Variants in RAD51B observed in about 807,000 individuals in gnomAD.
RAD51B encodes RAD51 paralog B.
A neutral mutation model predicts 42.2 loss-of-function variants in RAD51B; 38 were observed. The ratio of observed to expected loss-of-function variants is 0.90; its 90% confidence interval spans 0.70 to 1.18. The LOEUF (loss-of-function observed/expected upper bound fraction) is 1.18. Ranked by LOEUF, RAD51B falls within the 50% of genes most tolerant of loss-of-function variation. The pLI is 0.00. For missense variants in RAD51B, 373 were observed against 400.7 expected (o/e 0.93, Z 0.59); for synonymous variants, 154 against 145.2 (o/e 1.06, Z -0.43).
At chr14:68,673,875 T>TGC (rs1465979822) in intron 11 of RAD51B, among the ~76,000 whole-genome samples, 29 of 75,698 alleles carry the variant, frequency 3.8e-4, no homozygotes, top group Admixed American at 5.6e-4. Flanking sequence ...ACACATACTG[T>TGC]GCACACACAT....
chr14:67,973,569 A>G (rs73282486), intron 7 of RAD51B, among the ~76,000 whole-genome samples: 3,939 of 152,220 alleles, frequency 0.026, 171 homozygotes, highest in African/African-American at 0.09. Context: ...AGAAAACCCA[A>G]ATCCAAACCA....
chr14:67,881,572 C>T (rs2042907468), intron 5 of RAD51B, among the ~76,000 whole-genome samples: 1 of 152,204 alleles, frequency 6.6e-6, no homozygotes, highest in Non-Finnish European at 1.5e-5. Flanking sequence ...CCCATCTCCT[C>T]AACTCAGGTT....
chr14:68,213,032 G>A (rs991912658), intron 7 of RAD51B, among the ~76,000 whole-genome samples: 1 of 152,164 alleles, frequency 6.6e-6, no homozygotes, highest in Non-Finnish European at 1.5e-5. Flanking sequence ...CTGGAGAGGG[G>A]TCCTCAGGGT....
intron 3 of RAD51B, among the ~76,000 whole-genome samples, chr14:67,832,274 C>T (rs1261913115): frequency 6.6e-6 from 1 of 152,070 alleles, no homozygotes; most frequent in Non-Finnish European, 1.5e-5. Flanking sequence ...TCATGCCCAG[C>T]CAATAATTTT....
At chr14:68,063,326 G>C (rs1349735977) in intron 7 of RAD51B, among the ~76,000 whole-genome samples, 1 of 152,056 alleles carries the variant, frequency 6.6e-6, no homozygotes, top group Non-Finnish European at 1.5e-5. Flanking sequence ...TTGGAGGTGG[G>C]GCCCACTGGA....
chr14:67,991,031 G>T (rs2075288420), intron 7 of RAD51B, among the ~76,000 whole-genome samples: 2 of 152,180 alleles, frequency 1.3e-5, no homozygotes, highest in Non-Finnish European at 2.9e-5. Context: ...TAAAACATTA[G>T]ATAATGATTG....
At chr14:68,312,267 A>T (rs528486768) in intron 8 of RAD51B, among the ~76,000 whole-genome samples, 1 of 152,248 alleles carries the variant, frequency 6.6e-6, no homozygotes, top group African/African-American at 2.4e-5. Flanking sequence ...GCAGTTCCCT[A>T]GAGTCTCTCA....
rs548849855 is a variant in RAD51B at position 68,138,899 on chromosome 14, A to G, written c.757-152985A>G. On this transcript the variant is annotated intron_variant, in intron 7 of 10. Coordinates refer to ENST00000471583, the MANE Select transcript of RAD51B (RefSeq NM_133510.4). ...TTCTTTTAGTATTTTTTCATGTTTA[A>G]TTCCTTTTTGATGAAGTCAAAGAGA... 2.0e-5 allele frequency among the ~76,000 whole-genome samples: 3 copies of G among 152,042 alleles called. No homozygotes were observed. The South Asian group carries it at 6.2e-4, about 31-fold the overall frequency.
At chr14:68,134,813 G>T (rs529587355) in intron 7 of RAD51B, among the ~76,000 whole-genome samples, 3 of 150,466 alleles carry the variant, frequency 2.0e-5, no homozygotes, top group East Asian at 1.9e-4. Flanking sequence ...AATCCTCTTC[G>T]CATTCTAGAT....
At chr14:67,887,802 A>G (rs1486461667) in intron 7 of RAD51B, among the ~76,000 whole-genome samples, 1 of 152,192 alleles carries the variant, frequency 6.6e-6, no homozygotes, top group Non-Finnish European at 1.5e-5. Flanking sequence ...GGGCATTGTG[A>G]TCAGAAATCT....
intron 7 of RAD51B, among the ~76,000 whole-genome samples, chr14:68,095,213 G>T (rs1314445912): frequency 6.6e-6 from 1 of 152,002 alleles, no homozygotes. Flanking sequence ...TTATTTCATT[G>T]GCATTTATCA....
At chr14:68,391,409 G>A (rs1322296820) in intron 8 of RAD51B, among the ~76,000 whole-genome samples, 2 of 152,014 alleles carry the variant, frequency 1.3e-5, no homozygotes, top group African/African-American at 4.8e-5. Context: ...ACTCGCTGGG[G>A]ACCATCTTGG....
At chr14:68,166,030 TA>T (rs1485913285) in intron 7 of RAD51B, among the ~76,000 whole-genome samples, 8 of 152,148 alleles carry the variant, frequency 5.3e-5, no homozygotes, top group African/African-American at 1.9e-4. Context: ...TACCCAGTGG[TA>T]ACCTACCAAT....
At chr14:67,919,553 T>G (rs539655348) in intron 7 of RAD51B, among the ~76,000 whole-genome samples, 1 of 152,340 alleles carries the variant, frequency 6.6e-6, no homozygotes, top group African/African-American at 2.4e-5. Flanking sequence ...TCTGGAAGTC[T>G]GGGACTGCTT....
rs552350900 is a variant in RAD51B at position 68,491,546 on chromosome 14, A to T, written c.1036+23296A>T. On this transcript the variant is annotated intron_variant, in intron 10 of 10. Coordinates refer to the RAD51B transcript ENST00000487270. ...CTCTACACCAAAACAATCCTCAAGG[A>T]TGCATGAAAGCCCATGGACACTGTG... 2.0e-5 allele frequency among the ~76,000 whole-genome samples: 3 copies of T among 152,336 alleles called. No individual in the cohort carries two copies. The East Asian group carries it at 5.8e-4, about 29-fold the overall frequency.
At chr14:68,475,691 T>TA (rs1017577704) in intron 10 of RAD51B, among the ~76,000 whole-genome samples, 523 of 151,230 alleles carry the variant, frequency 3.5e-3, no homozygotes, top group Middle Eastern at 0.02. Flanking sequence ...CCTCCACTTT[T>TA]AAAAAAAAAA....
chr14:68,623,392 G>A (rs1032902398), intron 10 of RAD51B, among the ~76,000 whole-genome samples: 4 of 152,136 alleles, frequency 2.6e-5, no homozygotes, highest in Non-Finnish European at 4.4e-5. Flanking sequence ...TCTCCAACAC[G>A]CACCTTTCCA....
chr14:68,582,695 C>T (rs567741828), intron 10 of RAD51B, among the ~76,000 whole-genome samples: 37 of 152,320 alleles, frequency 2.4e-4, no homozygotes, highest in African/African-American at 8.9e-4. Context: ...TATAAAGACA[C>T]ATGCACACGT....
At chr14:68,075,663 G>A (rs2076821309) in intron 7 of RAD51B, among the ~76,000 whole-genome samples, 1 of 152,188 alleles carries the variant, frequency 6.6e-6, no homozygotes, top group Non-Finnish European at 1.5e-5. Context: ...GCCTTTGGGA[G>A]CTGCACCCCT....
Sources: gnomAD v4.1 joint callset for allele counts (sites outside exome capture counted in the v4.1 genomes callset) on GRCh38, gnomAD v4.1.1 for gene constraint, MANE v1.5 for transcripts, NCBI Gene and HGNC (gene_info 2026-07-23, HGNC 2026-07-21) for gene names.